PLXNC1: variants seen among roughly 807,000 people sequenced by gnomAD.
PLXNC1 encodes the protein plexin C1, also known as plexin-C1.
Under a neutral mutation model 178.2 loss-of-function variants are expected in PLXNC1, and 75 were observed. That is an observed-to-expected ratio of 0.42 (90% confidence interval 0.35 to 0.51). The LOEUF (loss-of-function observed/expected upper bound fraction) is 0.51. Ranked by LOEUF, PLXNC1 falls within the 20% of genes least tolerant of loss-of-function variation. The pLI, the probability that PLXNC1 is intolerant of heterozygous loss-of-function variation, is 0.02. For missense variants in PLXNC1, 1,503 were observed against 1,984.4 expected, an observed-to-expected ratio of 0.76 and a Z score of 4.61; for synonymous variants, 790 against 779.9, an observed-to-expected ratio of 1.01 and a Z score of -0.22.
intron 9 of PLXNC1, among the ~76,000 whole-genome samples, chr12:94,234,819 C>A (rs1431725218): frequency 6.6e-6 from 1 of 152,124 alleles, no homozygotes; most frequent in African/African-American, 2.4e-5. Flanking sequence ...GATGAAAATA[C>A]AAAAATTGAT....
At chr12:94,240,815 T>C in intron 11 of PLXNC1, 151 bp downstream of exon 11, 1 of 649,422 alleles carries the variant, frequency 1.5e-6, no homozygotes. Flanking sequence ...GAAAAATGCA[T>C]ACCTGACAAG....
intron 4 of PLXNC1, among the ~76,000 whole-genome samples, chr12:94,188,679 A>G (rs1166014467): frequency 6.6e-6 from 1 of 152,174 alleles, no homozygotes; most frequent in African/African-American, 2.4e-5. Context: ...CTGTTGGGAA[A>G]ATTCCAGAAG....
intron 9 of PLXNC1, among the ~76,000 whole-genome samples, chr12:94,228,893 G>C (rs975243208): frequency 6.6e-6 from 1 of 152,164 alleles, no homozygotes; most frequent in African/African-American, 2.4e-5. Flanking sequence ...TCGAGACCCT[G>C]CTCTCAGTTC....
At position 94,227,205 on chromosome 12, in the gene PLXNC1, C is replaced by G. The variant is rs764642855; in HGVS notation, c.1950C>G (p.Asn650Lys). Residue 650 changes from asparagine (N) to lysine (K), a missense_variant, in exon 9 of 31, where the codon AAC (asparagine) becomes AAG (lysine). By Grantham distance (94) the Asn-to-Lys change is moderately conservative. Transcript: ENST00000258526. ...CAGGAGGAGGAAGACCCAAGGAGAA[C>G]AAGGGGAACAGAACCAACCAGGCTT... ...KTSGGGRPKE[N>K]KGNRTNQALQ... 2.5e-6 allele frequency: 4 copies of G among 1,612,498 alleles called. No individual in the cohort carries two copies. The South Asian group carries it at 4.4e-5, about 18-fold the overall frequency.
chr12:94,204,716 C>G (rs1398485780), intron 4 of PLXNC1, among the ~76,000 whole-genome samples: 2 of 152,132 alleles, frequency 1.3e-5, no homozygotes, highest in East Asian at 3.9e-4. Flanking sequence ...CCTCGCCCCT[C>G]CACTGGGCTC....
intron 9 of PLXNC1, among the ~76,000 whole-genome samples, chr12:94,229,074 C>T (rs183323753): frequency 1.1e-4 from 17 of 152,080 alleles, no homozygotes; most frequent in Non-Finnish European, 2.4e-4. Context: ...TTGTTATTTT[C>T]GATTTTGTTT....
chr12:94,254,828 C>T lies in PLXNC1; in HGVS notation c.2923C>T (p.Arg975Cys), dbSNP rs772493573. 3.1e-6 allele frequency: 5 copies of T among 1,611,330 alleles called. No individual in the cohort carries two copies. Among genetic ancestry groups the T allele is most frequent in the African/African-American group, 1.3e-5 (1 of 74,858 alleles). Residue 975 changes from arginine (R) to cysteine (C), a missense_variant, in exon 16 of 31, where the codon CGC (arginine) becomes TGC (cysteine). Arg to Cys is a radical substitution (Grantham distance 180). Around this residue, in one of 4 missense-constraint regions of PLXNC1, gnomAD observed 639 missense variants for 979.7 expected, o/e 0.65. Coordinates refer to ENST00000258526, the MANE Select transcript of PLXNC1 (RefSeq NM_005761.3). ...CAGGCACAAATCGAAGGAGCTGAGT[C>T]GCAAACAGAGTCAACAACTAGAATT... Reference protein sequence around the residue: ...VTRHKSKELSRKQSQQLELLE... With the variant: ...VTRHKSKELSCKQSQQLELLE...
Position 94,150,050 on chromosome 12 carries a change from G to A in PLXNC1, c.1062+17G>A. ...AGCCACTGCGTAAGTCCTGCCCCCGGGGCGCCGCGGAGAGCGCTGCTGCCG... is the reference window on the plus strand; with the variant it reads ...AGCCACTGCGTAAGTCCTGCCCCCGAGGCGCCGCGGAGAGCGCTGCTGCCG... On this transcript the variant is annotated intron_variant, in intron 1 of 30. Coordinates refer to ENST00000258526, the MANE Select transcript of PLXNC1 (RefSeq NM_005761.3). 6.5e-7 allele frequency: 1 copy of A among 1,546,800 alleles called. No homozygotes were observed. Among genetic ancestry groups the A allele is most frequent in the Non-Finnish European group, 8.7e-7 (1 of 1,150,544 alleles).
chr12:94,273,260 G>A (rs929059280), intron 21 of PLXNC1, among the ~76,000 whole-genome samples: 3 of 152,052 alleles, frequency 2.0e-5, no homozygotes, highest in Non-Finnish European at 4.4e-5. Flanking sequence ...AATAGTACAG[G>A]GACTCTCTTT....
At position 94,307,503 on chromosome 12, in the gene PLXNC1, T is replaced by TAA. The variant is rs912914757; in HGVS notation, c.*2220_*2221dup. ...TATTTTTTTGGTGCAAAACCATTTATAAACTTTTTTTTCTAACACTAGTGT... is the reference window on the plus strand; with the variant it reads ...TATTTTTTTGGTGCAAAACCATTTATAAAAACTTTTTTTTCTAACACTAGTGT... On this transcript the variant is annotated 3_prime_UTR_variant, in exon 31 of 31. Transcript: ENST00000258526. 6.6e-6 allele frequency: 1 copy of TAA among 152,216 alleles called. No individual in the cohort carries two copies. 9.4% of individuals were successfully genotyped at this position (152,216 alleles called of 1,614,324 possible).
chr12:94,264,376 A>C (rs1210021682), intron 20 of PLXNC1, among the ~76,000 whole-genome samples: 1 of 152,076 alleles, frequency 6.6e-6, no homozygotes, highest in Non-Finnish European at 1.5e-5. Flanking sequence ...GGATGGGCCG[A>C]GTGTTTGGAG....
intron 10 of PLXNC1, among the ~76,000 whole-genome samples, chr12:94,240,091 C>T (rs772277361): frequency 1.5e-4 from 23 of 152,172 alleles, no homozygotes; most frequent in Non-Finnish European, 3.1e-4. Flanking sequence ...ATATCCTTCA[C>T]TGCTAAATAC....
rs369911280 is a variant in PLXNC1 at position 94,243,344 on chromosome 12, C to T, written c.2301-594C>T. Among the ~76,000 whole-genome samples, 12 of 152,198 alleles carry T rather than the reference C, an allele frequency of 7.9e-5. No individual in the cohort carries two copies. In the East Asian group the frequency reaches 1.2e-3, roughly 15 times the overall value. On this transcript the variant is annotated intron_variant, in intron 11 of 30. Coordinates refer to ENST00000258526, the MANE Select transcript of PLXNC1 (RefSeq NM_005761.3). ...AGCTGTTTCTTTCACACCCAGTGAC[C>T]GCTTTGCTTATATGCACTGAGAAAC...
rs1287395714 is a variant in PLXNC1, at chr12:94,307,242, G to GTATAA, written c.*1961_*1965dup. 1 of 147,242 alleles carries GTATAA rather than the reference G, an allele frequency of 6.8e-6. No individual in the cohort carries two copies. Among genetic ancestry groups the GTATAA allele is most frequent in the Non-Finnish European group, 1.5e-5 (1 of 64,712 alleles). The allele number at this position is 147,242 out of a possible 1,614,324, so 9.1% of individuals were successfully genotyped here. On this transcript the variant is annotated 3_prime_UTR_variant, in exon 31 of 31. Coordinates refer to ENST00000258526, the MANE Select transcript of PLXNC1 (RefSeq NM_005761.3). ...CTTACCTCTTTGTGCCTCAATTTCTGTATAATATTTCTAAGCTACCTCACT... is the reference window on the plus strand; with the variant it reads ...CTTACCTCTTTGTGCCTCAATTTCTGTATAATATAATATTTCTAAGCTACCTCACT...
At chr12:94,262,736 T>C in intron 20 of PLXNC1, 1 of 985,448 alleles carries the variant, frequency 1.0e-6, no homozygotes, top group Non-Finnish European at 1.2e-6. Context: ...AGACGTTTAG[T>C]GGGTGACAGT....
chr12:94,192,275 G>A (rs1592750466), intron 4 of PLXNC1, among the ~76,000 whole-genome samples: 1 of 152,190 alleles, frequency 6.6e-6, no homozygotes, highest in Non-Finnish European at 1.5e-5. Context: ...ATGCTAGCTG[G>A]GAAGGCAGAC....
intron 21 of PLXNC1, chr12:94,276,893 AG>A (rs1966003309): frequency 6.6e-6 from 1 of 152,180 alleles, no homozygotes; most frequent in South Asian, 2.1e-4. Context: ...CTGTTGTAGG[AG>A]GGAAACTCGT....
intron 1 of PLXNC1, among the ~76,000 whole-genome samples, chr12:94,153,522 C>G (rs1961037515): frequency 6.6e-6 from 1 of 152,176 alleles, no homozygotes; most frequent in African/African-American, 2.4e-5. Context: ...TCTCACTACC[C>G]CTGGCACACC....
chr12:94,240,954 T>C (rs1200352633), intron 11 of PLXNC1, among the ~76,000 whole-genome samples: 1 of 152,194 alleles, frequency 6.6e-6, no homozygotes, highest in East Asian at 1.9e-4. Flanking sequence ...CTCTTTACTA[T>C]GTGTCCCTCC....
Sources: gnomAD v4.1 joint callset for allele counts (sites outside exome capture counted in the v4.1 genomes callset) on GRCh38, gnomAD v4.1.1 for gene constraint, gnomAD v4.1.1 regional missense constraint, MANE v1.5 for transcripts, NCBI Gene and HGNC (gene_info 2026-07-23, HGNC 2026-07-21) for gene names.